C1orf185: variants seen among roughly 807,000 people sequenced by gnomAD.
The protein encoded by C1orf185 is chromosome 1 open reading frame 185, also known as uncharacterized protein C1orf185.
C1orf185 carries 13 observed loss-of-function variants against 16.1 expected under a neutral mutation model. The observed-to-expected ratio is 0.81, with a 90% CI of 0.53 to 1.28. The LOEUF is 1.28. Ranked by LOEUF, C1orf185 falls within the 50% of genes most tolerant of loss-of-function variation. C1orf185 has a pLI of 0.00. For missense variants in C1orf185, 220 were observed against 225.2 expected (o/e 0.98, Z 0.15); for synonymous variants, 80 against 76.9 (o/e 1.04, Z -0.21).
At chr1:51,110,989 CA>C (rs1310658925) in intron 1 of C1orf185, among the ~76,000 whole-genome samples, 3 of 151,938 alleles carry the variant, frequency 2.0e-5, no homozygotes. Flanking sequence ...AAAAACAAAA[CA>C]AAACAAAACA....
At chr1:51,108,349 T>C (rs930286723) in intron 1 of C1orf185, among the ~76,000 whole-genome samples, 5 of 152,188 alleles carry the variant, frequency 3.3e-5, no homozygotes. Context: ...GTGTGATATT[T>C]TGATACATGT....
At chr1:51,132,186 C>G (rs530178853) in intron 3 of C1orf185, among the ~76,000 whole-genome samples, 8 of 152,288 alleles carry the variant, frequency 5.3e-5, no homozygotes, top group South Asian at 2.1e-4. Context: ...AGCCAGAGAG[C>G]CTTCTTTCCT....
At chr1:51,116,205 T>C (rs562462865) in intron 2 of C1orf185, among the ~76,000 whole-genome samples, 7 of 152,264 alleles carry the variant, frequency 4.6e-5, no homozygotes, top group African/African-American at 1.7e-4. Context: ...CAGAGACTAC[T>C]GCAAAAGAAG....
intron 3 of C1orf185, among the ~76,000 whole-genome samples, chr1:51,143,938 G>A (rs915160000): frequency 2.6e-5 from 4 of 152,076 alleles, no homozygotes; most frequent in Middle Eastern, 3.2e-3. Context: ...TTCAAATTGC[G>A]GGTTTTAAAA....
At chr1:51,142,655 C>G (rs1018263917) in intron 3 of C1orf185, among the ~76,000 whole-genome samples, 3 of 152,148 alleles carry the variant, frequency 2.0e-5, no homozygotes, top group Non-Finnish European at 2.9e-5. Flanking sequence ...TCCACATCAA[C>G]TAAGTTGTCT....
chr1:51,124,084 T>TG (rs1227906620), intron 3 of C1orf185, among the ~76,000 whole-genome samples: 4 of 146,652 alleles, frequency 2.7e-5, no homozygotes, highest in Non-Finnish European at 4.5e-5. Flanking sequence ...GTAGTTTGTT[T>TG]TTTTTTTTTT....
At chr1:51,115,682 T>C (rs1316009526) in intron 2 of C1orf185, among the ~76,000 whole-genome samples, 1 of 152,240 alleles carries the variant, frequency 6.6e-6, no homozygotes, top group Non-Finnish European at 1.5e-5. Flanking sequence ...TGATTTACAC[T>C]TTTAAAGATA....
downstream of C1orf185, among the ~76,000 whole-genome samples, chr1:51,149,719 A>C (rs1225906325): frequency 6.6e-6 from 1 of 152,168 alleles, no homozygotes; most frequent in Non-Finnish European, 1.5e-5. Context: ...TGGCTTAGGA[A>C]GGAAAAAAAA....
chr1:51,141,868 G>A (rs1242413959), intron 3 of C1orf185, among the ~76,000 whole-genome samples: 1 of 151,912 alleles, frequency 6.6e-6, no homozygotes, highest in Admixed American at 6.6e-5. Flanking sequence ...GTATCGCTCT[G>A]TTGCCCAGGC....
At chr1:51,134,295 G>A (rs1394283241) in intron 3 of C1orf185, among the ~76,000 whole-genome samples, 1 of 152,082 alleles carries the variant, frequency 6.6e-6, no homozygotes, top group African/African-American at 2.4e-5. Context: ...AAACTAATGA[G>A]AACAAAGGTG....
chr1:51,149,698 T>C (rs1019928412), downstream of C1orf185, among the ~76,000 whole-genome samples: 1 of 152,148 alleles, frequency 6.6e-6, no homozygotes, highest in African/African-American at 2.4e-5. Flanking sequence ...TGGGTTGCCA[T>C]TCCTACCATG....
At chr1:51,111,195 C>A (rs568455286) in intron 1 of C1orf185, among the ~76,000 whole-genome samples, 464 of 151,722 alleles carry the variant, frequency 3.1e-3, no homozygotes, top group Non-Finnish European at 5.5e-3. Context: ...GAAAAAAAAA[C>A]CCAGAGGTCT....
At chr1:51,129,228 A>G (rs1206625242) in intron 3 of C1orf185, among the ~76,000 whole-genome samples, 1 of 151,758 alleles carries the variant, frequency 6.6e-6, no homozygotes, top group Non-Finnish European at 1.5e-5. Context: ...GGGGTCTCAA[A>G]CTCCTGGCCT....
chr1:51,139,912 C>T (rs1365870226), intron 3 of C1orf185, among the ~76,000 whole-genome samples: 2 of 152,182 alleles, frequency 1.3e-5, no homozygotes, highest in African/African-American at 4.8e-5. Flanking sequence ...GGGAAAGTCT[C>T]TATAGAACAT....
intron 2 of C1orf185, among the ~76,000 whole-genome samples, chr1:51,114,138 A>T (rs919076013): frequency 6.6e-6 from 1 of 152,226 alleles, no homozygotes; most frequent in African/African-American, 2.4e-5. Context: ...AATGGTCTTG[A>T]CATGTTTAAC....
chr1:51,149,151 T>G (rs1245361437), downstream of C1orf185, among the ~76,000 whole-genome samples: 1 of 152,152 alleles, frequency 6.6e-6, no homozygotes, highest in Non-Finnish European at 1.5e-5. Context: ...TTTTTTCTTT[T>G]TTTTCCTAAA....
chr1:51,117,376 C>T (rs925576032), intron 2 of C1orf185, among the ~76,000 whole-genome samples: 1 of 152,088 alleles, frequency 6.6e-6, no homozygotes. Flanking sequence ...CACTATCACC[C>T]ATATTTTATA....
chr1:51,102,390 G>C (rs922979752), intron 1 of C1orf185, 141 bp downstream of exon 1: 12 of 478,952 alleles, frequency 2.5e-5, no homozygotes, highest in Non-Finnish European at 4.5e-5. Flanking sequence ...TGGGTATACA[G>C]TAGAAATTGT....
chr1:51,129,446 G>A (rs1646267613), intron 3 of C1orf185, among the ~76,000 whole-genome samples: 1 of 151,772 alleles, frequency 6.6e-6, no homozygotes, highest in African/African-American at 2.4e-5. Flanking sequence ...TTTGACATTG[G>A]CTTTTCTTTT....
Sources: gnomAD v4.1 joint callset for allele counts (sites outside exome capture counted in the v4.1 genomes callset) on GRCh38, gnomAD v4.1.1 for gene constraint, MANE v1.5 for transcripts, NCBI Gene and HGNC (gene_info 2026-07-23, HGNC 2026-07-21) for gene names.